The following CCDC179 variants were observed in gnomAD, a reference collection of about 807,000 sequenced individuals.
CCDC179 encodes the protein coiled-coil domain-containing protein 179.
CCDC179 carries 17 observed loss-of-function variants against 12.0 expected under a neutral mutation model. The ratio of observed to expected loss-of-function variants is 1.42; its 90% confidence interval spans 0.97 to 2.13. The LOEUF is 2.13. CCDC179 is among the 30% of genes most tolerant of loss of function. The probability of loss-of-function intolerance (pLI) is 0.00; values close to 1 mark genes in which losing one functional copy is unlikely to be tolerated. For missense variants in CCDC179, 83 were observed against 78.6 expected, an observed-to-expected ratio of 1.06 and a Z score of -0.21; for synonymous variants, 27 against 26.4, an observed-to-expected ratio of 1.02 and a Z score of -0.07.
At chr11:22,851,354 A>T (rs919658990) in intron 3 of CCDC179, among the ~76,000 whole-genome samples, 1 of 152,058 alleles carries the variant, frequency 6.6e-6, no homozygotes, top group African/African-American at 2.4e-5. Context: ...GAAAGGAGGA[A>T]GTTACAGAAA....
In CCDC179 at chr11:22,847,249, C is replaced by G; in HGVS notation, c.*261G>C. On this transcript the variant is annotated 3_prime_UTR_variant, in exon 4 of 4. Coordinates refer to ENST00000532798, the MANE Select transcript of CCDC179 (RefSeq NM_001195637.2). ...AATATTTTTCAAAAGTCTACCTATA[C>G]ATATTCATTATTATTTGTTGAAAAG... 1 of 311,554 alleles carries G rather than the reference C, an allele frequency of 3.2e-6. No homozygotes were observed. Among genetic ancestry groups the G allele is most frequent in the African/African-American group, 2.1e-5 (1 of 46,536 alleles). 19.3% of individuals were successfully genotyped at this position (311,554 alleles called of 1,614,324 possible).
At chr11:22,852,554 C>T (rs1186179971) in intron 3 of CCDC179, among the ~76,000 whole-genome samples, 1 of 152,216 alleles carries the variant, frequency 6.6e-6, no homozygotes. Context: ...GGCAGCCCCA[C>T]ATGGACCCAA....
chr11:22,847,575 A>T, intron 3 of CCDC179, 54 bp from the exon 4 acceptor site: 6 of 961,228 alleles, frequency 6.2e-6, no homozygotes, highest in Non-Finnish European at 8.9e-6. Context: ...AATTTATATA[A>T]GGAAAGATTA....
intron 3 of CCDC179, among the ~76,000 whole-genome samples, chr11:22,852,010 C>G (rs1189862205): frequency 6.6e-6 from 1 of 152,086 alleles, no homozygotes; most frequent in African/African-American, 2.4e-5. Flanking sequence ...AGCATGCTCT[C>G]AAGAGAAACT....
intron 1 of CCDC179, among the ~76,000 whole-genome samples, chr11:22,860,064 T>C (rs1392868622): frequency 6.6e-6 from 1 of 152,214 alleles, no homozygotes; most frequent in African/African-American, 2.4e-5. Context: ...GTTCCACATC[T>C]GGCAATTGAG....
At chr11:22,850,455 T>C (rs1858347705) in intron 3 of CCDC179, among the ~76,000 whole-genome samples, 1 of 152,232 alleles carries the variant, frequency 6.6e-6, no homozygotes, top group African/African-American at 2.4e-5. Flanking sequence ...TGTTCTATTT[T>C]ATCCATATAC....
chr11:22,849,025 C>T (rs1392263333), intron 3 of CCDC179, among the ~76,000 whole-genome samples: 2 of 152,104 alleles, frequency 1.3e-5, no homozygotes, highest in Admixed American at 6.6e-5. Context: ...GGACTGAGTG[C>T]CTGAGCTTAA....
intron 3 of CCDC179, among the ~76,000 whole-genome samples, chr11:22,852,365 G>A (rs1044124813): frequency 3.5e-4 from 54 of 152,162 alleles, no homozygotes; most frequent in Admixed American, 1.3e-3. Context: ...ACTAATGAAA[G>A]GCCACAAGGT....
intron 3 of CCDC179, among the ~76,000 whole-genome samples, chr11:22,850,976 ATTTT>A (rs1164245496): frequency 1.5e-3 from 9 of 6,112 alleles, no homozygotes; most frequent in African/African-American, 2.5e-3. Flanking sequence ...ATATATATAT[ATTTT>A]TTTTTTTTTT....
At chr11:22,859,618 C>T in intron 1 of CCDC179, 122 bp from the exon 2 acceptor site, 2 of 478,760 alleles carry the variant, frequency 4.2e-6, no homozygotes, top group Non-Finnish European at 6.7e-6. Context: ...ATCATTTCAA[C>T]TATAAGAAGC....
chr11:22,850,892 C>A (rs1465204465), intron 3 of CCDC179, among the ~76,000 whole-genome samples: 4 of 129,676 alleles, frequency 3.1e-5, no homozygotes, highest in African/African-American at 1.2e-4. Context: ...AATTATGATA[C>A]GTTATACTAA....
At chr11:22,859,894 G>A (rs2134856170) in intron 1 of CCDC179, among the ~76,000 whole-genome samples, 1 of 152,320 alleles carries the variant, frequency 6.6e-6, no homozygotes, top group South Asian at 2.1e-4. Flanking sequence ...GGAGTAATTG[G>A]TGATGTGATT....
intron 3 of CCDC179, among the ~76,000 whole-genome samples, chr11:22,849,375 A>G (rs1289053562): frequency 1.3e-5 from 2 of 152,134 alleles, no homozygotes; most frequent in Non-Finnish European, 2.9e-5. Context: ...GCATATTCTT[A>G]CTTATTTGTG....
chr11:22,857,241 G>A (rs995973410), intron 3 of CCDC179, among the ~76,000 whole-genome samples: 3 of 151,526 alleles, frequency 2.0e-5, no homozygotes, highest in Non-Finnish European at 4.4e-5. Flanking sequence ...AACAGAAGAG[G>A]ACTGACACTA....
intron 3 of CCDC179, among the ~76,000 whole-genome samples, chr11:22,850,984 T>A (rs1412827392): frequency 8.4e-5 from 5 of 59,638 alleles, no homozygotes; most frequent in African/African-American, 2.2e-4. Flanking sequence ...ATATTTTTTT[T>A]TTTTTTTTTT....
At position 22,858,118 on chromosome 11, in the gene CCDC179, A is replaced by G. The variant is rs1858569555; in HGVS notation, c.91-92T>C. ...TACATTTTTGGTTTGTGTCAATAAA[A>G]AAGGTAAACACCACCACTGCAAACG... On this transcript the variant is annotated intron_variant, in intron 2 of 3. Coordinates refer to ENST00000532798, the MANE Select transcript of CCDC179 (RefSeq NM_001195637.2). The G allele has an allele frequency of 3.2e-5, 22 of 694,754 alleles. No homozygotes were observed. In the South Asian group the frequency reaches 5.0e-4, roughly 16 times the overall value. 43.0% of individuals were successfully genotyped at this position (694,754 alleles called of 1,614,324 possible). A position where few individuals can be genotyped will look rare whatever the true frequency, so the allele number is the denominator to read the frequency against.
At chr11:22,851,079 A>G (rs10833841) in intron 3 of CCDC179, among the ~76,000 whole-genome samples, 137,470 of 137,616 alleles carry the variant, frequency 1, 68,662 homozygotes, top group Middle Eastern at 1. Flanking sequence ...TCCACCTCCC[A>G]GGTTCACGCC....
At chr11:22,859,944 T>G (rs907863975) in intron 1 of CCDC179, among the ~76,000 whole-genome samples, 1 of 152,178 alleles carries the variant, frequency 6.6e-6, no homozygotes, top group African/African-American at 2.4e-5. Context: ...AGCTTGGCTG[T>G]TAGTTTTCGA....
At chr11:22,850,993 T>A (rs1467035725) in intron 3 of CCDC179, among the ~76,000 whole-genome samples, 2 of 82,898 alleles carry the variant, frequency 2.4e-5, no homozygotes, top group African/African-American at 7.9e-5. Context: ...TTTTTTTTTT[T>A]TTTTTTTGCT....
Sources: gnomAD v4.1 joint callset for allele counts (sites outside exome capture counted in the v4.1 genomes callset) on GRCh38, gnomAD v4.1.1 for gene constraint, MANE v1.5 for transcripts, NCBI Gene and HGNC (gene_info 2026-07-23, HGNC 2026-07-21) for gene names.